Variants in TNRC6B observed in about 807,000 individuals in gnomAD.
The protein encoded by TNRC6B is trinucleotide repeat-containing gene 6B protein.
TNRC6B carries 52 observed loss-of-function variants against 203.6 expected under a neutral mutation model. That is an observed-to-expected ratio of 0.26 (90% CI 0.20 to 0.32). The LOEUF (loss-of-function observed/expected upper bound fraction) is 0.32. TNRC6B is among the 10% of genes least tolerant of loss of function. TNRC6B has a pLI of 1.00. For synonymous variants in TNRC6B, 838 were observed against 845.7 expected, an observed-to-expected ratio of 0.99 and a Z score of 0.16; for missense variants, 1,923 against 2,286.2, an observed-to-expected ratio of 0.84 and a Z score of 3.24.
Position 40,333,979 on chromosome 22 carries a change from C to A in TNRC6B, c.*10738C>A, listed in dbSNP as rs1040823822. 6.6e-6 allele frequency: 1 copy of A among 152,632 alleles called. No individual in the cohort carries two copies. Among genetic ancestry groups the A allele is most frequent in the African/African-American group, 2.4e-5 (1 of 41,438 alleles). The allele number at this position is 152,632 out of a possible 1,614,324, so 9.5% of individuals were successfully genotyped here. On this transcript the variant is annotated 3_prime_UTR_variant, in exon 23 of 23. Coordinates refer to ENST00000454349, the MANE Select transcript of TNRC6B (RefSeq NM_001162501.2). ...TCTCACTGATCTTGTATAGTGACGA[C>A]TTCCTTTGAAGGAAGAAGCTTGATT...
At chr22:40,281,006 C>G in intron 10 of TNRC6B, 113 bp from the exon 11 acceptor site, 3 of 886,948 alleles carry the variant, frequency 3.4e-6, no homozygotes, top group Non-Finnish European at 5.0e-6. Context: ...TTGGTTATTG[C>G]TAATACACTC....
chr22:40,066,369 C>G (rs545752199), intron 1 of TNRC6B, among the ~76,000 whole-genome samples: 4 of 152,198 alleles, frequency 2.6e-5, no homozygotes, highest in African/African-American at 9.6e-5. Flanking sequence ...GAAGTCTTGC[C>G]TTTTCTTAAA....
upstream of TNRC6B, among the ~76,000 whole-genome samples, chr22:40,176,941 C>A (rs564413515): frequency 2.2e-4 from 33 of 152,230 alleles, 1 homozygote; most frequent in South Asian, 6.8e-3. Context: ...TCTAGGGAAG[C>A]CCAATCTCCG....
chr22:40,143,510 G>GAT (rs2068662322), intron 3 of TNRC6B, among the ~76,000 whole-genome samples: 1 of 151,868 alleles, frequency 6.6e-6, no homozygotes, highest in Non-Finnish European at 1.5e-5. Flanking sequence ...TTGTGGGGGG[G>GAT]ATAGAGTCTC....
chr22:40,218,820 A>G (rs1434117000), intron 1 of TNRC6B, among the ~76,000 whole-genome samples: 1 of 152,248 alleles, frequency 6.6e-6, no homozygotes, highest in Non-Finnish European at 1.5e-5. Flanking sequence ...TCAGGGAGAC[A>G]TAGAGGAGAT....
At chr22:40,063,957 C>T (rs1376777056) in intron 1 of TNRC6B, among the ~76,000 whole-genome samples, 2 of 152,206 alleles carry the variant, frequency 1.3e-5, no homozygotes, top group African/African-American at 4.8e-5. Flanking sequence ...CCCGCCTCAG[C>T]CTCCCAAAGT....
intron 3 of TNRC6B, among the ~76,000 whole-genome samples, chr22:40,142,815 A>T (rs2068656497): frequency 6.6e-6 from 1 of 152,300 alleles, no homozygotes; most frequent in East Asian, 1.9e-4. Context: ...TTAGAAAAAA[A>T]TTATCCAAAG....
rs1267348272 is a variant in TNRC6B at position 40,247,328 on chromosome 22, AG to A, written c.93+1228del. Among the ~76,000 whole-genome samples, 8 of 152,322 alleles carry A rather than the reference AG, an allele frequency of 5.3e-5. No homozygotes were observed. The East Asian group carries it at 1.5e-3, about 29-fold the overall frequency. ...AGAAAGAAACTGTGATAAGGTTCAG[AG>A]GAAACTCTAGATTTAGAAGACAGTC... On this transcript the variant is annotated intron_variant, in intron 2 of 22. Transcript: ENST00000454349.
At chr22:40,298,125 AAAAAATAAAAAT>A (rs372173266) in intron 12 of TNRC6B, among the ~76,000 whole-genome samples, 2 of 151,942 alleles carry the variant, frequency 1.3e-5, no homozygotes, top group Non-Finnish European at 2.9e-5. Context: ...ACTCCATCTC[AAAAAATAAAAAT>A]AAAAATAAAA....
intron 1 of TNRC6B, among the ~76,000 whole-genome samples, chr22:40,092,270 G>T (rs111630329): frequency 0.014 from 2,091 of 152,122 alleles, 59 homozygotes; most frequent in African/African-American, 0.047. Context: ...GGTCATGGTG[G>T]TATGTGCCTG....
At chr22:40,170,406 TATATA>T in intron 4 of TNRC6B, among the ~76,000 whole-genome samples, 1 of 35,344 alleles carries the variant, frequency 2.8e-5, no homozygotes, top group Non-Finnish European at 4.0e-5. Context: ...ATATATTATA[TATATA>T]GTTTATATAT....
intron 15 of TNRC6B, among the ~76,000 whole-genome samples, chr22:40,302,507 C>T (rs1316215726): frequency 1.3e-5 from 2 of 152,124 alleles, no homozygotes; most frequent in Non-Finnish European, 2.9e-5. Context: ...GTGGCATGCG[C>T]CTCTAATCCC....
chr22:40,052,173 A>AGG (rs927580118), intron 1 of TNRC6B, among the ~76,000 whole-genome samples: 3 of 152,326 alleles, frequency 2.0e-5, no homozygotes, highest in African/African-American at 7.2e-5. Context: ...CCAAGATCAA[A>AGG]GGGGGACCCT....
chr22:40,059,855 G>C (rs2067833947), intron 1 of TNRC6B, among the ~76,000 whole-genome samples: 1 of 132,168 alleles, frequency 7.6e-6, no homozygotes. Flanking sequence ...ACGGAGTCTC[G>C]CTCTGTTGCC....
At chr22:40,152,813 T>A (rs985685514) in intron 3 of TNRC6B, among the ~76,000 whole-genome samples, 13 of 151,842 alleles carry the variant, frequency 8.6e-5, no homozygotes, top group African/African-American at 3.1e-4. Context: ...AAAAAAATGT[T>A]TTTATGGCCG....
intron 3 of TNRC6B, among the ~76,000 whole-genome samples, chr22:40,143,778 G>A (rs1005820662): frequency 2.0e-5 from 3 of 152,212 alleles, no homozygotes; most frequent in African/African-American, 4.8e-5. Context: ...TTACAGGCGT[G>A]AGCCACTGTG....
intron 12 of TNRC6B, among the ~76,000 whole-genome samples, chr22:40,298,403 A>T (rs1395175315): frequency 6.6e-6 from 1 of 152,196 alleles, no homozygotes; most frequent in Non-Finnish European, 1.5e-5. Context: ...CTTCACCAAG[A>T]AATGGAAGGA....
intron 1 of TNRC6B, among the ~76,000 whole-genome samples, chr22:40,197,870 C>G (rs1179313426): frequency 6.6e-6 from 1 of 151,916 alleles, no homozygotes; most frequent in African/African-American, 2.4e-5. Context: ...CCTCAGCCTC[C>G]CAAAGCGCTG....
rs574298643 is a variant in TNRC6B at position 40,047,463 on chromosome 22, C to T, written c.-121+2465C>T. On this transcript the variant is annotated intron_variant, in intron 1 of 23. Coordinates refer to the TNRC6B transcript ENST00000301923. ...CTAAAAATACAAAAAATTAGCCGGG[C>T]GTGGTGGTGGGCGCCTGTAATCCCA... Among the ~76,000 whole-genome samples, 69 of 151,982 alleles carry T rather than the reference C, an allele frequency of 4.5e-4. 3 individuals are homozygous for T. In the South Asian group the frequency reaches 0.013, roughly 29 times the overall value.
Sources: gnomAD v4.1 joint callset for allele counts (sites outside exome capture counted in the v4.1 genomes callset) on GRCh38, gnomAD v4.1.1 for gene constraint, MANE v1.5 for transcripts, NCBI Gene and HGNC (gene_info 2026-07-23, HGNC 2026-07-21) for gene names.